Variants in RAB27A observed in about 807,000 individuals in gnomAD.
RAB27A encodes RAB27A, member RAS oncogene family.
RAB27A carries 17 observed loss-of-function variants against 20.8 expected under a neutral mutation model. The ratio of observed to expected loss-of-function variants is 0.82; its 90% CI spans 0.56 to 1.23. The LOEUF (loss-of-function observed/expected upper bound fraction) is 1.23. Ranked by LOEUF, RAB27A falls within the 50% of genes most tolerant of loss-of-function variation. The pLI, the probability that RAB27A is intolerant of heterozygous loss-of-function variation, is 0.00. For missense variants in RAB27A, 277 were observed against 266.7 expected (o/e 1.04, Z -0.27); for synonymous variants, 85 against 92.8 (o/e 0.92, Z 0.48).
upstream of RAB27A, among the ~76,000 whole-genome samples, chr15:55,293,101 T>A (rs938619315): frequency 2.6e-5 from 4 of 152,170 alleles, no homozygotes; most frequent in Non-Finnish European, 5.9e-5. Context: ...CACTGGGGCT[T>A]TTCTGACACT....
chr15:55,236,158 T>C (rs1352974260), intron 2 of RAB27A, among the ~76,000 whole-genome samples: 2 of 137,644 alleles, frequency 1.5e-5, no homozygotes, highest in Non-Finnish European at 3.0e-5. Flanking sequence ...CAAAAACCTA[T>C]GGAAATAAAA....
At chr15:55,221,220 G>A (rs180884599) in intron 6 of RAB27A, among the ~76,000 whole-genome samples, 2 of 152,230 alleles carry the variant, frequency 1.3e-5, no homozygotes, top group South Asian at 2.1e-4. Context: ...CCCTCCCCCA[G>A]TACTTGAGAA....
At chr15:55,258,048 T>TA (rs1897144480) in intron 2 of RAB27A, among the ~76,000 whole-genome samples, 1 of 122,646 alleles carries the variant, frequency 8.2e-6, no homozygotes, top group East Asian at 2.3e-4. Flanking sequence ...GCCTGGGCGA[T>TA]ACAGCGAGAC....
chr15:55,299,894 C>T (rs2054964599), intron 2 of RAB27A, among the ~76,000 whole-genome samples: 1 of 150,884 alleles, frequency 6.6e-6, no homozygotes, highest in South Asian at 2.1e-4. Context: ...GATCTCAGCT[C>T]ACTGCAAGCT....
chr15:55,212,471 G>C (rs1895071992), intron 6 of RAB27A, among the ~76,000 whole-genome samples: 1 of 152,050 alleles, frequency 6.6e-6, no homozygotes, highest in Non-Finnish European at 1.5e-5. Context: ...CTATATTTCT[G>C]GACCATACAC....
intron 2 of RAB27A, among the ~76,000 whole-genome samples, chr15:55,257,037 C>G (rs1420216765): frequency 6.6e-6 from 1 of 152,140 alleles, no homozygotes; most frequent in Admixed American, 6.5e-5. Context: ...GAACAGAGTT[C>G]CACATCAGGT....
At chr15:55,302,394 G>A (rs1041889955) in intron 2 of RAB27A, among the ~76,000 whole-genome samples, 1 of 152,042 alleles carries the variant, frequency 6.6e-6, no homozygotes, top group African/African-American at 2.4e-5. Context: ...TGCCCAGGCT[G>A]GAGTGCAGTG....
At position 55,205,381 on chromosome 15, in the gene RAB27A, T is replaced by A; in HGVS notation, c.*126A>T. Reference sequence around the variant, plus strand: ...TAGAACCGGATGCTTTATTCGTAGGTCTAATGGGGATGGTGAGAAGCAATT... The same window carrying A: ...TAGAACCGGATGCTTTATTCGTAGGACTAATGGGGATGGTGAGAAGCAATT... On this transcript the variant is annotated 3_prime_UTR_variant, in exon 7 of 7. Coordinates refer to ENST00000336787, the MANE Select transcript of RAB27A (RefSeq NM_183235.3). 1.1e-6 allele frequency: 1 copy of A among 939,672 alleles called. No individual in the cohort carries two copies. Among genetic ancestry groups the A allele is most frequent in the Non-Finnish European group, 1.8e-6 (1 of 570,856 alleles). 58.2% of individuals were successfully genotyped at this position (939,672 alleles called of 1,614,324 possible).
intron 6 of RAB27A, among the ~76,000 whole-genome samples, chr15:55,222,297 G>C (rs1335121352): frequency 1.3e-5 from 2 of 152,172 alleles, no homozygotes; most frequent in Non-Finnish European, 2.9e-5. Context: ...ATAGTGGATG[G>C]GAATCCTTCA....
chr15:55,275,931 A>AAAC lies in RAB27A; in HGVS notation c.-142-5648_-142-5647insGTT, dbSNP rs1555399581. On this transcript the variant is annotated intron_variant, in intron 1 of 6. Transcript: ENST00000336787. ...AGGATGGCTAATTAAAAAAAAAAAA[A>AAAC]AAAAAAAAACAAGAGATAAGTGTTG... Among the ~76,000 whole-genome samples, 97 of 150,196 alleles carry AAAC rather than the reference A, an allele frequency of 6.5e-4. 4 individuals are homozygous for AAAC. Among genetic ancestry groups the AAAC allele is most frequent in the South Asian group, 5.4e-3 (26 of 4,788 alleles).
At chr15:55,302,516 C>T (rs910824697) in intron 2 of RAB27A, among the ~76,000 whole-genome samples, 1 of 151,724 alleles carries the variant, frequency 6.6e-6, no homozygotes, top group Non-Finnish European at 1.5e-5. Flanking sequence ...AAGTGAGGAG[C>T]GTCTCTGCCT....
intron 2 of RAB27A, among the ~76,000 whole-genome samples, chr15:55,259,155 TG>T (rs1268171834): frequency 1.3e-5 from 2 of 151,804 alleles, no homozygotes; most frequent in African/African-American, 4.8e-5. Flanking sequence ...TCATATATTC[TG>T]GATACTATTT....
At chr15:55,318,340 G>A (rs901706155) in intron 1 of RAB27A, among the ~76,000 whole-genome samples, 1 of 150,598 alleles carries the variant, frequency 6.6e-6, no homozygotes, top group Non-Finnish European at 1.5e-5. Context: ...CTCCTGATCC[G>A]CCCGTCTTGG....
At chr15:55,220,181 G>A (rs1895498840) in intron 6 of RAB27A, among the ~76,000 whole-genome samples, 1 of 152,156 alleles carries the variant, frequency 6.6e-6, no homozygotes, top group Non-Finnish European at 1.5e-5. Context: ...GAGACATGGT[G>A]TTTGATTCTT....
At chr15:55,213,941 A>G (rs961352855) in intron 6 of RAB27A, among the ~76,000 whole-genome samples, 1 of 152,238 alleles carries the variant, frequency 6.6e-6, no homozygotes, top group Non-Finnish European at 1.5e-5. Context: ...GGTCCATGGA[A>G]AGATTGTCTT....
intron 2 of RAB27A, among the ~76,000 whole-genome samples, chr15:55,241,202 G>C (rs1370020510): frequency 6.6e-6 from 1 of 152,128 alleles, no homozygotes; most frequent in Non-Finnish European, 1.5e-5. Flanking sequence ...AAGAGTATTT[G>C]AAGCCAAGGT....
At chr15:55,263,293 G>A (rs1897341630) in intron 2 of RAB27A, among the ~76,000 whole-genome samples, 1 of 151,988 alleles carries the variant, frequency 6.6e-6, no homozygotes, top group Admixed American at 6.6e-5. Flanking sequence ...TACCTAATAG[G>A]TGCCAGGTCC....
At chr15:55,275,349 G>A (rs1026712255) in intron 1 of RAB27A, among the ~76,000 whole-genome samples, 21 of 152,200 alleles carry the variant, frequency 1.4e-4, no homozygotes, top group South Asian at 1.0e-3. Context: ...GCAACTGGCC[G>A]GGCATGGTGG....
rs1379213338 is a variant in RAB27A, at chr15:55,228,675, T to C, written c.277A>G (p.Met93Val). The C allele has an allele frequency of 2.5e-6, 4 of 1,613,832 alleles. No homozygotes were observed. Among genetic ancestry groups the C allele is most frequent in the East Asian group, 2.2e-5 (1 of 44,866 alleles). Residue 93 changes from methionine (M) to valine (V), a missense_variant, in exon 5 of 7, where the codon ATG becomes GTG. Transcript: ENST00000336787. Reference sequence around the variant, plus strand: ...AGATCAAAAAGTAGAAGAAAACCCATAGCATCTCTGAAGAACGCTGTCGTT... The same window carrying C: ...AGATCAAAAAGTAGAAGAAAACCCACAGCATCTCTGAAGAACGCTGTCGTT... ...SLTTAFFRDAMGFLLLFDLTN... is the reference protein window; with the variant it reads ...SLTTAFFRDAVGFLLLFDLTN...
Sources: allele counts gnomAD v4.1 joint callset (sites outside exome capture counted in the v4.1 genomes callset), GRCh38; gene constraint gnomAD v4.1.1; transcripts MANE v1.5; gene names NCBI Gene and HGNC (gene_info 2026-07-23, HGNC 2026-07-21).